The following ZDHHC3 variants were observed in gnomAD, a reference collection of about 807,000 sequenced individuals.
ZDHHC3 encodes palmitoyltransferase ZDHHC3.
In ZDHHC3, 9 loss-of-function variants were observed where a neutral mutation model predicts 30.6. The observed-to-expected ratio is 0.29, with a 90% CI of 0.18 to 0.51. The LOEUF (loss-of-function observed/expected upper bound fraction) is 0.51, where lower values mean the gene tolerates loss of function less well. ZDHHC3 is among the 20% of genes least tolerant of loss of function. The pLI is 0.97. For synonymous variants in ZDHHC3, 136 were observed against 140.2 expected (o/e 0.97, Z 0.21); for missense variants, 246 against 384.2 (o/e 0.64, Z 3.01).
chr3:44,955,360 G>C (rs1474597009), intron 2 of ZDHHC3, among the ~76,000 whole-genome samples: 2 of 151,826 alleles, frequency 1.3e-5, no homozygotes, highest in Admixed American at 1.3e-4. Flanking sequence ...TGGTCCAGAA[G>C]GCTATAGTGG....
At chr3:44,973,415 A>T (rs1046930057) in intron 1 of ZDHHC3, among the ~76,000 whole-genome samples, 1 of 152,170 alleles carries the variant, frequency 6.6e-6, no homozygotes, top group African/African-American at 2.4e-5. Flanking sequence ...GGATAAGAAT[A>T]CTTGCATCAC....
chr3:44,974,066 G>A (rs565116369), intron 1 of ZDHHC3, among the ~76,000 whole-genome samples: 1 of 152,314 alleles, frequency 6.6e-6, no homozygotes, highest in South Asian at 2.1e-4. Context: ...CAGCAAAGGT[G>A]ATAAAAATGT....
intron 1 of ZDHHC3, among the ~76,000 whole-genome samples, chr3:44,965,596 C>CT (rs1327648041): frequency 6.6e-6 from 1 of 152,178 alleles, no homozygotes; most frequent in Non-Finnish European, 1.5e-5. Flanking sequence ...CAAATCCCTA[C>CT]TAATCTTTAT....
Position 44,922,142 on chromosome 3 carries a change from T to C in ZDHHC3, c.*4547A>G, listed in dbSNP as rs1020322342. 2 of 985,308 alleles carry C rather than the reference T, an allele frequency of 2.0e-6. No individual in the cohort carries two copies. The highest frequency in any genetic ancestry group is 1.7e-5 in the African/African-American group (1 of 57,232). 61.0% of individuals were successfully genotyped at this position (985,308 alleles called of 1,614,324 possible). A position where few individuals can be genotyped will look rare whatever the true frequency, so the allele number is the denominator to read the frequency against. On this transcript the variant is annotated 3_prime_UTR_variant, in exon 7 of 7. Coordinates refer to ENST00000424952, the MANE Select transcript of ZDHHC3 (RefSeq NM_001135179.2). ...TGTTTCTGCTTCACTGTGAATTCTT[T>C]CTCTTCTATGAGGTGATCCTAAGCC...
chr3:44,920,877 T>C lies in ZDHHC3; in HGVS notation c.*5812A>G. ...CGACAAACTTTCAGGGAGTGTTGAC[T>C]TTTGAGTCTAGAAAGAAAATATTGC... is the stretch of plus-strand genomic sequence containing the variant. On this transcript the variant is annotated 3_prime_UTR_variant, in exon 7 of 7. Transcript: ENST00000424952. 1 of 985,444 alleles carries C rather than the reference T, an allele frequency of 1.0e-6. No individual in the cohort carries two copies. The highest frequency in any genetic ancestry group is 1.2e-6 in the Non-Finnish European group (1 of 829,936). The allele number at this position is 985,444 out of a possible 1,614,324, so 61.0% of individuals were successfully genotyped here.
intron 5 of ZDHHC3, among the ~76,000 whole-genome samples, chr3:44,932,632 G>A (rs907289725): frequency 2.9e-4 from 44 of 152,262 alleles, no homozygotes; most frequent in African/African-American, 1.1e-3. Flanking sequence ...GTAAATTCAC[G>A]ATTATCAGTG....
At chr3:44,966,370 A>C (rs1373001176) in intron 1 of ZDHHC3, among the ~76,000 whole-genome samples, 1 of 152,192 alleles carries the variant, frequency 6.6e-6, no homozygotes, top group Non-Finnish European at 1.5e-5. Flanking sequence ...AACTTGTCCT[A>C]AACACTGAAT....
intron 6 of ZDHHC3, 35 bp downstream of exon 6, chr3:44,929,271 A>G (rs757694980): frequency 6.2e-7 from 1 of 1,610,108 alleles, no homozygotes; most frequent in Non-Finnish European, 8.5e-7. Flanking sequence ...CCCCATCCCC[A>G]GGTGTGGAAA....
At chr3:44,943,454 C>T (rs1274196041) in intron 3 of ZDHHC3, among the ~76,000 whole-genome samples, 1 of 152,148 alleles carries the variant, frequency 6.6e-6, no homozygotes, top group South Asian at 2.1e-4. Flanking sequence ...GCACAGCACA[C>T]AGGTACTGGG....
chr3:44,932,926 G>A, intron 5 of ZDHHC3, 192 bp downstream of exon 5: 1 of 1,614,090 alleles, frequency 6.2e-7, no homozygotes, highest in Middle Eastern at 1.6e-4. Context: ...TGAAGTTAAG[G>A]GGCTGCATTT....
intron 1 of ZDHHC3, among the ~76,000 whole-genome samples, chr3:44,963,662 C>T (rs1472900095): frequency 6.6e-6 from 1 of 152,196 alleles, no homozygotes; most frequent in Non-Finnish European, 1.5e-5. Context: ...CAAGGACCCA[C>T]CTCCCTACAA....
chr3:44,928,539 C>T (rs1559656341), intron 6 of ZDHHC3, among the ~76,000 whole-genome samples: 1 of 152,266 alleles, frequency 6.6e-6, no homozygotes, highest in East Asian at 1.9e-4. Flanking sequence ...TTCCTCACAC[C>T]CAGAGCTAAG....
intron 1 of ZDHHC3, 26 bp downstream of exon 1, chr3:44,975,907 T>C: frequency 5.6e-6 from 1 of 177,612 alleles, no homozygotes; most frequent in Non-Finnish European, 1.2e-5. Flanking sequence ...TCTTCACCCC[T>C]ACCCCAGTTT....
At chr3:44,936,230 A>G (rs535926240) in intron 3 of ZDHHC3, among the ~76,000 whole-genome samples, 2 of 152,356 alleles carry the variant, frequency 1.3e-5, no homozygotes, top group Admixed American at 1.3e-4. Flanking sequence ...GAAGACATAC[A>G]TGTGGCCAAG....
chr3:44,920,374 G>A lies in ZDHHC3; in HGVS notation c.*6315C>T. 2.3e-6 allele frequency: 3 copies of A among 1,289,276 alleles called. No homozygotes were observed. The highest frequency in any genetic ancestry group is 3.0e-6 in the Non-Finnish European group (3 of 988,406). The allele number at this position is 1,289,276 out of a possible 1,614,324, so 79.9% of individuals were successfully genotyped here. A position where few individuals can be genotyped will look rare whatever the true frequency, so the allele number is the denominator to read the frequency against. On this transcript the variant is annotated 3_prime_UTR_variant, in exon 7 of 7. Transcript: ENST00000424952. ...GAGGCTTTAACTTCATAGCACGAGA[G>A]CTGGGACATCACCATATGGCAGACC... is the stretch of plus-strand genomic sequence containing the variant.
rs536546958 is a variant in ZDHHC3, at chr3:44,958,847, C to T, written c.306+284G>A. On this transcript the variant is annotated intron_variant, in intron 2 of 6. Transcript: ENST00000424952. ...TCTTTTTAACCAGAGGCCAGGTTTC[C>T]CCCAGACCAAACCCCTCCCAGAGCA... Among the ~76,000 whole-genome samples the T allele has an allele frequency of 5.8e-4, 89 of 152,308 alleles. No homozygotes were observed. In the Middle Eastern group the frequency reaches 0.01, roughly 17 times the overall value.
At chr3:44,975,768 TCTCTCACACACACA>T (rs1400763486) in intron 1 of ZDHHC3, among the ~76,000 whole-genome samples, 151 bp downstream of exon 1, 10 of 140,818 alleles carry the variant, frequency 7.1e-5, no homozygotes, top group African/African-American at 2.1e-4. Flanking sequence ...TCTCTCTCTC[TCTCTCACACACACA>T]CACACACACA....
At chr3:44,937,773 C>T (rs885270) in intron 3 of ZDHHC3, 65,753 of 327,152 alleles carry the variant, frequency 0.2, 7,143 homozygotes, top group African/African-American at 0.29. Context: ...AGATTGCACC[C>T]GCCGCATGGG....
chr3:44,976,094 G>C lies in ZDHHC3; in HGVS notation c.-186C>G, dbSNP rs974132628. ...GGCTCTCTGGACTCGGCCAGACACC[G>C]GGCGGCGCGCAGGAGAAGCCCATCG... On this transcript the variant is annotated 5_prime_UTR_variant, in exon 1 of 7. Coordinates refer to ENST00000424952, the MANE Select transcript of ZDHHC3 (RefSeq NM_001135179.2). The C allele has an allele frequency of 2.2e-6, 1 of 448,462 alleles. No individual in the cohort carries two copies. Among genetic ancestry groups the C allele is most frequent in the South Asian group, 5.9e-5 (1 of 17,014 alleles). 27.8% of individuals were successfully genotyped at this position (448,462 alleles called of 1,614,324 possible). A position where few individuals can be genotyped will look rare whatever the true frequency, so the allele number is the denominator to read the frequency against.
Sources: allele counts gnomAD v4.1 joint callset (sites outside exome capture counted in the v4.1 genomes callset), GRCh38; gene constraint gnomAD v4.1.1; transcripts MANE v1.5; gene names NCBI Gene and HGNC (gene_info 2026-07-23, HGNC 2026-07-21).